The following WDFY3 variants were observed in gnomAD, a reference collection of about 807,000 sequenced individuals.
WDFY3 encodes WD repeat and FYVE domain-containing protein 3.
In WDFY3, 66 loss-of-function variants were observed where a neutral mutation model predicts 409.6. The ratio of observed to expected loss-of-function variants is 0.16; its 90% CI spans 0.13 to 0.20. The LOEUF is 0.20. Ranked by LOEUF, WDFY3 falls within the 10% of genes least tolerant of loss-of-function variation. The pLI, the probability that WDFY3 is intolerant of heterozygous loss-of-function variation, is 1.00. For missense variants in WDFY3, 3,031 were observed against 4,298.1 expected, an observed-to-expected ratio of 0.71 and a Z score of 8.24; for synonymous variants, 1,521 against 1,537.1, an observed-to-expected ratio of 0.99 and a Z score of 0.25.
intron 3 of WDFY3, among the ~76,000 whole-genome samples, chr4:84,868,207 G>C (rs1422071822): frequency 1.4e-5 from 1 of 72,812 alleles, no homozygotes; most frequent in Non-Finnish European, 2.7e-5. Flanking sequence ...AAAAAAAAAA[G>C]ATTTATAAGC....
chr4:84,876,924 T>C (rs576749987), intron 3 of WDFY3, among the ~76,000 whole-genome samples: 1 of 152,242 alleles, frequency 6.6e-6, no homozygotes, highest in Non-Finnish European at 1.5e-5. Flanking sequence ...TTGTTCTAAA[T>C]TGAAAAGTTA....
chr4:84,696,314 T>A lies in WDFY3; in HGVS notation c.8689-132A>T, dbSNP rs373426159. The A allele has an allele frequency of 5.0e-6, 4 of 793,000 alleles. No individual in the cohort carries two copies. The East Asian group carries it at 1.1e-4, about 21-fold the overall frequency. The allele number at this position is 793,000 out of a possible 1,614,324, so 49.1% of individuals were successfully genotyped here. On this transcript the variant is annotated intron_variant, in intron 57 of 67. Coordinates refer to ENST00000295888, the MANE Select transcript of WDFY3 (RefSeq NM_014991.6). ...ATAAAAACAACATAGTATTCCCCTCTTATTTGTGGTTTCACTTTCTGAGGT... is the reference window on the plus strand; with the variant it reads ...ATAAAAACAACATAGTATTCCCCTCATATTTGTGGTTTCACTTTCTGAGGT...
Position 84,856,534 on chromosome 4 carries a change from T to C in WDFY3, c.180+3878A>G, listed in dbSNP as rs985489286. The stretch of plus-strand genomic sequence containing the variant: ...TTCAGACTTCACCATAATCTTTCAG[T>C]TTGAGCAAATCAGTAAGAGGGAAGA... On this transcript the variant is annotated intron_variant, in intron 4 of 67. Transcript: ENST00000295888. Among the ~76,000 whole-genome samples, 3 of 152,132 alleles carry C rather than the reference T, an allele frequency of 2.0e-5. No individual in the cohort carries two copies. In the South Asian group the frequency reaches 6.2e-4, roughly 32 times the overall value.
chr4:84,879,615 A>G (rs974680100), intron 3 of WDFY3: 2 of 150,690 alleles, frequency 1.3e-5, no homozygotes, highest in African/African-American at 4.9e-5. Context: ...TTATACATAC[A>G]CACACACACA....
At chr4:84,753,383 T>C (rs1740872349) in intron 35 of WDFY3, among the ~76,000 whole-genome samples, 1 of 152,166 alleles carries the variant, frequency 6.6e-6, no homozygotes, top group Non-Finnish European at 1.5e-5. Flanking sequence ...ATTTTACAAC[T>C]ACACAGCTGG....
At chr4:84,787,325 A>T (rs558018188) in intron 23 of WDFY3, among the ~76,000 whole-genome samples, 157 bp downstream of exon 23, 1 of 152,292 alleles carries the variant, frequency 6.6e-6, no homozygotes, top group Non-Finnish European at 1.5e-5. Flanking sequence ...AGTGGAGGAA[A>T]ATATTTTCAA....
At chr4:84,830,108 ATATAT>A (rs1404551088) in intron 8 of WDFY3, among the ~76,000 whole-genome samples, 1 of 152,114 alleles carries the variant, frequency 6.6e-6, no homozygotes, top group East Asian at 1.9e-4. Context: ...TAACTGACTC[ATATAT>A]TAGGTACTAG....
chr4:84,722,010 T>C (rs1734934411), intron 46 of WDFY3, among the ~76,000 whole-genome samples: 1 of 152,166 alleles, frequency 6.6e-6, no homozygotes, highest in Non-Finnish European at 1.5e-5. Flanking sequence ...ATAGTAAGAA[T>C]GGTATAGCTT....
chr4:84,897,729 G>T (rs371702100), intron 2 of WDFY3, among the ~76,000 whole-genome samples: 6 of 152,238 alleles, frequency 3.9e-5, no homozygotes, highest in African/African-American at 1.4e-4. Context: ...AGTGACGCTG[G>T]AGAGCCCACA....
rs116944887 is a variant in WDFY3 at position 84,712,051 on chromosome 4, T to C, written c.8042+1108A>G. ...AATAATGAAGAATCATAGCCGGGCA[T>C]GGTGACTCATGCCTGCAATCCCAGC... On this transcript the variant is annotated intron_variant, in intron 51 of 67. Coordinates refer to ENST00000295888, the MANE Select transcript of WDFY3 (RefSeq NM_014991.6). 1.0e-3 allele frequency among the ~76,000 whole-genome samples: 154 copies of C among 152,024 alleles called. 3 individuals are homozygous for C. The East Asian group carries it at 0.023, about 23-fold the overall frequency.
chr4:84,934,343 G>C (rs1427381453), intron 1 of WDFY3, among the ~76,000 whole-genome samples: 2 of 152,024 alleles, frequency 1.3e-5, no homozygotes, highest in African/African-American at 4.8e-5. Context: ...TGTCTATTCT[G>C]ATCTTTTGCT....
At chr4:84,961,975 A>G (rs1237463149) in intron 1 of WDFY3, among the ~76,000 whole-genome samples, 3 of 152,220 alleles carry the variant, frequency 2.0e-5, no homozygotes, top group Non-Finnish European at 4.4e-5. Context: ...AAAACTGAAC[A>G]TTTTTGTCCC....
intron 44 of WDFY3, among the ~76,000 whole-genome samples, chr4:84,727,160 T>C (rs1271129038): frequency 6.6e-6 from 1 of 152,066 alleles, no homozygotes; most frequent in Non-Finnish European, 1.5e-5. Flanking sequence ...GGACAAACTC[T>C]TACAAATCAC....
chr4:84,678,148 G>T lies in WDFY3; in HGVS notation c.10259+20C>A. 1 of 1,598,762 alleles carries T rather than the reference G, an allele frequency of 6.3e-7. No homozygotes were observed. The highest frequency in any genetic ancestry group is 8.6e-7 in the Non-Finnish European group (1 of 1,166,136). On this transcript the variant is annotated intron_variant, in intron 66 of 67. Transcript: ENST00000295888. ...AATGACTCAGATGGGAAGCGGAGCT[G>T]GAAAAAGCCTGACACTTACTTGGAG...
chr4:84,937,809 C>A (rs1771620369), intron 1 of WDFY3, among the ~76,000 whole-genome samples: 1 of 152,132 alleles, frequency 6.6e-6, no homozygotes, highest in Non-Finnish European at 1.5e-5. Context: ...CCAGGCACAT[C>A]CTTGCCTTGG....
At chr4:84,912,798 G>T (rs1487444629) in intron 2 of WDFY3, among the ~76,000 whole-genome samples, 1 of 152,146 alleles carries the variant, frequency 6.6e-6, no homozygotes, top group Non-Finnish European at 1.5e-5. Context: ...TAGAAAAGAA[G>T]TGAGCACCAG....
intron 5 of WDFY3, among the ~76,000 whole-genome samples, chr4:84,845,223 C>T (rs866453353): frequency 6.6e-6 from 1 of 152,124 alleles, no homozygotes; most frequent in African/African-American, 2.4e-5. Flanking sequence ...TGGTGAACAA[C>T]GAACACAGCC....
At chr4:84,757,572 G>C (rs1223489336) in intron 32 of WDFY3, among the ~76,000 whole-genome samples, 1 of 152,008 alleles carries the variant, frequency 6.6e-6, no homozygotes, top group Non-Finnish European at 1.5e-5. Flanking sequence ...AAATATCCTT[G>C]TTATGATATA....
intron 3 of WDFY3, among the ~76,000 whole-genome samples, chr4:84,882,994 A>C (rs1437679139): frequency 6.6e-6 from 1 of 152,218 alleles, no homozygotes; most frequent in African/African-American, 2.4e-5. Context: ...GGCATGAGCC[A>C]CCGTGCCTGG....
Sources: gnomAD v4.1 joint callset for allele counts (sites outside exome capture counted in the v4.1 genomes callset) on GRCh38, gnomAD v4.1.1 for gene constraint, MANE v1.5 for transcripts, NCBI Gene and HGNC (gene_info 2026-07-23, HGNC 2026-07-21) for gene names.